The following OSBPL1A variants were observed in gnomAD, a reference collection of about 807,000 sequenced individuals.
OSBPL1A encodes oxysterol-binding protein-related protein 1.
Under a neutral mutation model 137.1 loss-of-function variants are expected in OSBPL1A, and 80 were observed. That is an observed-to-expected ratio of 0.58 (90% confidence interval 0.49 to 0.70). OSBPL1A has a LOEUF of 0.70. Ranked by LOEUF, OSBPL1A falls within the 30% of genes least tolerant of loss-of-function variation. The pLI, the probability that OSBPL1A is intolerant of heterozygous loss-of-function variation, is 0.00. For missense variants in OSBPL1A, 970 were observed against 1,129.4 expected (o/e 0.86, Z 2.02); for synonymous variants, 365 against 389.7 (o/e 0.94, Z 0.75).
intron 16 of OSBPL1A, among the ~76,000 whole-genome samples, chr18:24,232,389 TG>T (rs1300189163): frequency 1.3e-5 from 2 of 152,236 alleles, no homozygotes; most frequent in Non-Finnish European, 2.9e-5. Flanking sequence ...CTCTGAATGA[TG>T]TCCAAGGTCA....
intron 2 of OSBPL1A, among the ~76,000 whole-genome samples, chr18:24,372,833 G>T (rs1360740099): frequency 6.6e-6 from 1 of 152,146 alleles, no homozygotes; most frequent in East Asian, 1.9e-4. Flanking sequence ...GGAGGCCAAA[G>T]TGGGCAGATC....
At chr18:24,172,605 T>C in intron 21 of OSBPL1A, 122 bp from the exon 22 acceptor site, 1 of 604,442 alleles carries the variant, frequency 1.7e-6, no homozygotes, top group South Asian at 2.6e-5. Flanking sequence ...AACTACGTTC[T>C]AAGCCTTTAA....
chr18:24,198,878 G>A (rs1416080344), intron 17 of OSBPL1A, among the ~76,000 whole-genome samples: 2 of 146,004 alleles, frequency 1.4e-5, no homozygotes, highest in African/African-American at 2.6e-5. Flanking sequence ...TTTTTTTTGA[G>A]AGAGAGTCAC....
At chr18:24,304,850 C>T (rs1030825890) in intron 13 of OSBPL1A, among the ~76,000 whole-genome samples, 1 of 152,204 alleles carries the variant, frequency 6.6e-6, no homozygotes, top group Non-Finnish European at 1.5e-5. Flanking sequence ...ATTTGTATTA[C>T]TCTCCTTTGT....
chr18:24,163,423 C>T, intron 27 of OSBPL1A, 142 bp from the exon 28 acceptor site: 1 of 575,686 alleles, frequency 1.7e-6, no homozygotes, highest in Non-Finnish European at 3.0e-6. Context: ...TGAAGTGATG[C>T]TGTATTTCTG....
chr18:24,300,453 T>A (rs1036914378), intron 14 of OSBPL1A, among the ~76,000 whole-genome samples: 1 of 152,192 alleles, frequency 6.6e-6, no homozygotes, highest in African/African-American at 2.4e-5. Context: ...TACAAAAAAT[T>A]AATCTGGCAG....
At chr18:24,251,877 A>G (rs2089108962) in intron 15 of OSBPL1A, among the ~76,000 whole-genome samples, 1 of 152,178 alleles carries the variant, frequency 6.6e-6, no homozygotes, top group African/African-American at 2.4e-5. Flanking sequence ...CAAGAGATTG[A>G]AATAATTAAA....
intron 2 of OSBPL1A, among the ~76,000 whole-genome samples, chr18:24,373,841 G>A (rs1599728446): frequency 1.3e-5 from 2 of 152,210 alleles, no homozygotes; most frequent in East Asian, 1.9e-4. Context: ...CTTAAGAACT[G>A]CATATCATCT....
Position 24,332,857 on chromosome 18 carries a change from T to C in OSBPL1A, c.625+85A>G, listed in dbSNP as rs1469246617. On this transcript the variant is annotated intron_variant, in intron 7 of 27. Coordinates refer to ENST00000319481, the MANE Select transcript of OSBPL1A (RefSeq NM_080597.4). Reference sequence around the variant, plus strand: ...ACCATACAGTTTAACAAAGGCTGGATACTGAAACAAAACAATTTTATATGG... The same window carrying C: ...ACCATACAGTTTAACAAAGGCTGGACACTGAAACAAAACAATTTTATATGG... The C allele has an allele frequency of 5.4e-6, 8 of 1,487,896 alleles. No individual in the cohort carries two copies. In the East Asian group the frequency reaches 6.8e-5, roughly 13 times the overall value. 92.2% of individuals were successfully genotyped at this position (1,487,896 alleles called of 1,614,324 possible).
rs1203102071 is a variant in OSBPL1A, at chr18:24,303,723, A to G, written c.1093-5T>C. The G allele has an allele frequency of 6.2e-7, 1 of 1,607,430 alleles. No homozygotes were observed. The highest frequency in any genetic ancestry group is 8.5e-7 in the Non-Finnish European group (1 of 1,175,694). ...CTGTTGGCATGACTGTGCTTTCTGC[A>G]AAAAAAGAAAAGACAAAATTAAAAC... is the stretch of plus-strand genomic sequence containing the variant. On this transcript the variant is annotated splice_polypyrimidine_tract_variant and splice_region_variant and intron_variant, in intron 13 of 27. Transcript: ENST00000319481.
intron 6 of OSBPL1A, 132 bp from the exon 7 acceptor site, chr18:24,333,218 C>T (rs2091115571): frequency 4.0e-6 from 4 of 998,044 alleles, no homozygotes; most frequent in Non-Finnish European, 5.8e-6. Context: ...TTAGTGGTTT[C>T]TTGCTCACTA....
At chr18:24,254,163 T>C (rs966937680) in intron 15 of OSBPL1A, among the ~76,000 whole-genome samples, 2 of 152,252 alleles carry the variant, frequency 1.3e-5, no homozygotes, top group African/African-American at 4.8e-5. Flanking sequence ...ATTGTAAATA[T>C]ATATGCACCA....
At chr18:24,321,683 G>A (rs1276182440) in intron 7 of OSBPL1A, 2 of 525,096 alleles carry the variant, frequency 3.8e-6, no homozygotes, top group South Asian at 1.4e-5. Context: ...TGGCATGACA[G>A]GCCTTCTCTT....
chr18:24,308,112 C>T (rs890664798), intron 13 of OSBPL1A, among the ~76,000 whole-genome samples: 3 of 139,858 alleles, frequency 2.1e-5, no homozygotes, highest in East Asian at 2.1e-4. Flanking sequence ...ATCATCTGCT[C>T]ATTACTTTTT....
chr18:24,360,747 C>T (rs1447069605), intron 4 of OSBPL1A, among the ~76,000 whole-genome samples: 1 of 152,032 alleles, frequency 6.6e-6, no homozygotes, highest in Non-Finnish European at 1.5e-5. Context: ...CTTCTCACCT[C>T]CTAAAGATGT....
intron 16 of OSBPL1A, among the ~76,000 whole-genome samples, chr18:24,226,411 T>C (rs2088078435): frequency 6.6e-6 from 1 of 152,206 alleles, no homozygotes; most frequent in East Asian, 1.9e-4. Context: ...AAATGGTGCC[T>C]GAGTTTTTCA....
chr18:24,272,023 C>G (rs981539618), intron 15 of OSBPL1A: 4 of 981,630 alleles, frequency 4.1e-6, no homozygotes, highest in Non-Finnish European at 4.8e-6. Context: ...GCTCCCTGCG[C>G]GCGGCGGGCA....
chr18:24,256,964 CAA>C (rs201880387), intron 15 of OSBPL1A, among the ~76,000 whole-genome samples: 5 of 29,510 alleles, frequency 1.7e-4, no homozygotes, highest in East Asian at 1.1e-3. Flanking sequence ...GAAGAGGATG[CAA>C]AAAAAAAAAA....
intron 16 of OSBPL1A, among the ~76,000 whole-genome samples, chr18:24,234,524 CA>C (rs981339308): frequency 2.0e-5 from 3 of 147,494 alleles, no homozygotes; most frequent in Non-Finnish European, 4.6e-5. Flanking sequence ...CAAGCGATCC[CA>C]GGGGGGACGC....
Sources: gnomAD v4.1 joint callset for allele counts (sites outside exome capture counted in the v4.1 genomes callset) on GRCh38, gnomAD v4.1.1 for gene constraint, MANE v1.5 for transcripts, NCBI Gene and HGNC (gene_info 2026-07-23, HGNC 2026-07-21) for gene names.